The following TRPM3 variants were observed in gnomAD, a reference collection of about 807,000 sequenced individuals.
TRPM3 encodes transient receptor potential cation channel subfamily M member 3, also known as long transient receptor potential channel 3.
In TRPM3, 77 loss-of-function variants were observed where a neutral mutation model predicts 181.2. The observed-to-expected ratio is 0.42, with a 90% confidence interval of 0.35 to 0.51. The LOEUF (loss-of-function observed/expected upper bound fraction) is 0.51. Among genes scored for constraint, TRPM3 ranks in the 20% least tolerant of loss-of-function variants. The pLI is 0.01. For missense variants in TRPM3, 1,759 were observed against 2,196.7 expected (o/e 0.80, Z 3.98); for synonymous variants, 745 against 796.4 (o/e 0.94, Z 1.09).
At chr9:70,976,345 A>AT (rs911947651) in intron 1 of TRPM3, among the ~76,000 whole-genome samples, 2 of 152,162 alleles carry the variant, frequency 1.3e-5, no homozygotes, top group Admixed American at 6.5e-5. Context: ...ACAGCTAGTG[A>AT]TTTTTTTACT....
At chr9:70,913,358 G>A (rs1188888545) in intron 1 of TRPM3, among the ~76,000 whole-genome samples, 1 of 152,146 alleles carries the variant, frequency 6.6e-6, no homozygotes, top group African/African-American at 2.4e-5. Flanking sequence ...ACTCTAATCA[G>A]TGCAGTGTAG....
chr9:71,333,696 T>C (rs1230090712), intron 1 of TRPM3, among the ~76,000 whole-genome samples: 1 of 151,806 alleles, frequency 6.6e-6, no homozygotes, highest in Non-Finnish European at 1.5e-5. Context: ...TTGAGGGCAG[T>C]TTTGTGGGAG....
At chr9:71,298,312 A>G (rs1389189724) in intron 1 of TRPM3, among the ~76,000 whole-genome samples, 1 of 152,130 alleles carries the variant, frequency 6.6e-6, no homozygotes, top group Non-Finnish European at 1.5e-5. Flanking sequence ...TGGTTGGGTC[A>G]ATCCAACATT....
At chr9:70,859,292 C>T (rs1015913649) in intron 3 of TRPM3, among the ~76,000 whole-genome samples, 5 of 152,118 alleles carry the variant, frequency 3.3e-5, no homozygotes, top group African/African-American at 9.7e-5. Context: ...GGAGGGCTGT[C>T]GAAGCCAGTG....
intron 1 of TRPM3, among the ~76,000 whole-genome samples, chr9:70,886,224 G>T (rs1355150774): frequency 6.6e-5 from 10 of 152,072 alleles, no homozygotes; most frequent in Admixed American, 6.5e-4. Flanking sequence ...ATGAGCCATG[G>T]CTACTTTAGT....
intron 1 of TRPM3, among the ~76,000 whole-genome samples, chr9:71,106,255 T>G (rs905179233): frequency 1.3e-5 from 2 of 152,194 alleles, no homozygotes; most frequent in African/African-American, 4.8e-5. Context: ...ATGATATGAT[T>G]TGGATATTTG....
intron 1 of TRPM3, among the ~76,000 whole-genome samples, chr9:71,216,157 T>A (rs1170301586): frequency 6.6e-6 from 1 of 152,248 alleles, no homozygotes; most frequent in Non-Finnish European, 1.5e-5. Flanking sequence ...AAATTCTTTG[T>A]TGTTTATGAA....
At chr9:70,930,953 T>C (rs1391381638) in intron 1 of TRPM3, among the ~76,000 whole-genome samples, 3 of 152,060 alleles carry the variant, frequency 2.0e-5, no homozygotes, top group Admixed American at 6.6e-5. Context: ...AGATAAAAAT[T>C]AGAAAATGAG....
At chr9:71,045,862 C>A (rs1192437415) in intron 1 of TRPM3, among the ~76,000 whole-genome samples, 1 of 151,966 alleles carries the variant, frequency 6.6e-6, no homozygotes, top group African/African-American at 2.4e-5. Context: ...GATTCAATAG[C>A]CAAATAATTT....
At chr9:71,375,539 G>A (rs988203182) in intron 1 of TRPM3, among the ~76,000 whole-genome samples, 5 of 152,090 alleles carry the variant, frequency 3.3e-5, no homozygotes, top group South Asian at 2.1e-4. Context: ...CTAATTAAAC[G>A]AAAGAGCTTC....
At chr9:71,439,108 G>A (rs564793916) in intron 1 of TRPM3, among the ~76,000 whole-genome samples, 5 of 152,124 alleles carry the variant, frequency 3.3e-5, no homozygotes, top group African/African-American at 7.2e-5. Flanking sequence ...TAGAAGAATG[G>A]ACATTTCAAG....
intron 8 of TRPM3, among the ~76,000 whole-genome samples, chr9:70,756,161 A>G (rs911533516): frequency 6.6e-6 from 1 of 152,050 alleles, no homozygotes; most frequent in African/African-American, 2.4e-5. Flanking sequence ...ACAAAAACAA[A>G]CAAAAAAAAC....
At chr9:71,174,411 A>T (rs1299870081) in intron 1 of TRPM3, among the ~76,000 whole-genome samples, 3 of 151,988 alleles carry the variant, frequency 2.0e-5, no homozygotes, top group African/African-American at 7.2e-5. Context: ...GTGTAGTGGT[A>T]GGTGCCTGTA....
chr9:71,171,395 TG>T (rs1391960243), intron 1 of TRPM3, among the ~76,000 whole-genome samples: 1 of 152,122 alleles, frequency 6.6e-6, no homozygotes. Flanking sequence ...TTGTGGCTTG[TG>T]GGGCATCACG....
chr9:71,270,123 G>C (rs919511895), intron 1 of TRPM3, among the ~76,000 whole-genome samples: 1 of 152,084 alleles, frequency 6.6e-6, no homozygotes, highest in Non-Finnish European at 1.5e-5. Context: ...GCCAAGGCAG[G>C]CTCATCACCT....
At position 70,533,686 on chromosome 9, in the gene TRPM3, C is replaced by G. The variant is rs762504627; in HGVS notation, c.*2267G>C. On this transcript the variant is annotated 3_prime_UTR_variant, in exon 26 of 26. Coordinates refer to ENST00000677713, the MANE Select transcript of TRPM3 (RefSeq NM_001366145.2). ...AGTTTAAGAACGACTGATTTATTCT[C>G]AGACCCAGTGCATGTTTGCTGAGAG... The G allele has an allele frequency of 6.6e-6, 1 of 152,052 alleles. No individual in the cohort carries two copies. Among genetic ancestry groups the G allele is most frequent in the Non-Finnish European group, 1.5e-5 (1 of 68,028 alleles). 9.4% of individuals were successfully genotyped at this position (152,052 alleles called of 1,614,324 possible). A position where few individuals can be genotyped will look rare whatever the true frequency, so the allele number is the denominator to read the frequency against.
intron 1 of TRPM3, among the ~76,000 whole-genome samples, chr9:70,983,880 CAGT>C (rs1309556016): frequency 6.6e-6 from 1 of 152,130 alleles, no homozygotes; most frequent in African/African-American, 2.4e-5. Context: ...TTGCCAGAGA[CAGT>C]AGTTTGACTT....
rs746963852 is a variant in TRPM3, at chr9:70,549,681, A to G, written c.3575-7T>C. On this transcript the variant is annotated splice_region_variant and splice_polypyrimidine_tract_variant and intron_variant, in intron 24 of 25. Transcript: ENST00000677713. ...TCATCGGTTATGAAGAGTTCTGTGG[A>G]AAAAAAAAAAAAGGAAGTCTTGAGG... The G allele has an allele frequency of 4.1e-5, 22 of 532,812 alleles. No homozygotes were observed. The highest frequency in any genetic ancestry group is 1.2e-4 in the Admixed American group (3 of 24,394). The allele number at this position is 532,812 out of a possible 1,614,324, so 33.0% of individuals were successfully genotyped here.
chr9:71,226,009 T>TAA, intron 1 of TRPM3, among the ~76,000 whole-genome samples: 2,350 of 34,712 alleles, frequency 0.068, 383 homozygotes, highest in Middle Eastern at 0.15. Flanking sequence ...CAACAAAAGG[T>TAA]AAAAAAAAAA....
Sources: gnomAD v4.1 joint callset for allele counts (sites outside exome capture counted in the v4.1 genomes callset) on GRCh38, gnomAD v4.1.1 for gene constraint, MANE v1.5 for transcripts, NCBI Gene and HGNC (gene_info 2026-07-23, HGNC 2026-07-21) for gene names.